Variants in IRS1 observed in about 807,000 individuals in gnomAD.
IRS1 encodes the protein insulin receptor substrate 1.
In IRS1, 34 loss-of-function variants were observed where a neutral mutation model predicts 65.6. The ratio of observed to expected loss-of-function variants is 0.52; its 90% CI spans 0.39 to 0.69. The LOEUF (loss-of-function observed/expected upper bound fraction) is 0.69, where lower values mean the gene tolerates loss of function less well. Among genes scored for constraint, IRS1 ranks in the 30% least tolerant of loss-of-function variants. IRS1 has a pLI of 0.00. For missense variants in IRS1, 1,641 were observed against 1,720.2 expected (o/e 0.95, Z 0.81); for synonymous variants, 699 against 683.5 (o/e 1.02, Z -0.35).
rs148058230 is a variant in IRS1 at position 226,738,248 on chromosome 2, T to C, written c.*22-1998A>G. On this transcript the variant is annotated intron_variant, in intron 1 of 1. Coordinates refer to ENST00000305123, the MANE Select transcript of IRS1 (RefSeq NM_005544.3). ...ATATATTAGGGTGGAGCAAAAGCAA[T>C]TGCGGTTTTTGCCATAAAATAAATT... Among the ~76,000 whole-genome samples the C allele has an allele frequency of 1.4e-4, 22 of 152,312 alleles. No individual in the cohort carries two copies. In the East Asian group the frequency reaches 3.3e-3, roughly 23 times the overall value.
chr2:226,744,922 T>C (rs1938508109), intron 1 of IRS1, among the ~76,000 whole-genome samples: 1 of 152,210 alleles, frequency 6.6e-6, no homozygotes, highest in East Asian at 1.9e-4. Flanking sequence ...CTGGGATTCT[T>C]TGAAGCGAAC....
At chr2:226,787,099 T>A (rs950585939) in intron 1 of IRS1, among the ~76,000 whole-genome samples, 1 of 152,134 alleles carries the variant, frequency 6.6e-6, no homozygotes, top group African/African-American at 2.4e-5. Flanking sequence ...GACCACCCCA[T>A]AACAAGTCCA....
At chr2:226,740,383 A>AATG (rs1938414270) in intron 1 of IRS1, among the ~76,000 whole-genome samples, 1 of 152,214 alleles carries the variant, frequency 6.6e-6, no homozygotes, top group Non-Finnish European at 1.5e-5. Context: ...ACACTTGAGC[A>AATG]ATGCTACTTG....
chr2:226,786,341 G>T (rs372887567), intron 1 of IRS1, among the ~76,000 whole-genome samples: 1 of 152,104 alleles, frequency 6.6e-6, no homozygotes, highest in Admixed American at 6.5e-5. Flanking sequence ...GTGGAAAGTA[G>T]TGTGTCCTTT....
rs1938292701 is a variant in IRS1 at position 226,734,637 on chromosome 2, A to G, written c.*1635T>C. 1 of 152,208 alleles carries G rather than the reference A, an allele frequency of 6.6e-6. No individual in the cohort carries two copies. The highest frequency in any genetic ancestry group is 2.4e-5 in the African/African-American group (1 of 41,438). 9.4% of individuals were successfully genotyped at this position (152,208 alleles called of 1,614,324 possible). ...GCTCCTCCCAATAGTAGGGATGCGA[A>G]TTCCTGATAGAGAGATAGAGGCTCC... is the stretch of plus-strand genomic sequence containing the variant. On this transcript the variant is annotated 3_prime_UTR_variant, in exon 2 of 2. Transcript: ENST00000305123.
intron 1 of IRS1, among the ~76,000 whole-genome samples, chr2:226,790,963 A>G (rs1939581336): frequency 1.3e-5 from 2 of 152,108 alleles, no homozygotes; most frequent in Non-Finnish European, 2.9e-5. Context: ...ACGCCACAGC[A>G]TTTCCTCCAA....
chr2:226,744,039 C>T (rs1236045211), intron 1 of IRS1, among the ~76,000 whole-genome samples: 1 of 152,110 alleles, frequency 6.6e-6, no homozygotes, highest in Non-Finnish European at 1.5e-5. Flanking sequence ...GTCTGACTAC[C>T]CAATTGTTTC....
At chr2:226,784,955 C>T (rs1939459815) in intron 1 of IRS1, among the ~76,000 whole-genome samples, 1 of 152,146 alleles carries the variant, frequency 6.6e-6, no homozygotes, top group African/African-American at 2.4e-5. Context: ...CCATTCCTGT[C>T]CAGTGTTAAT....
intron 1 of IRS1, among the ~76,000 whole-genome samples, chr2:226,755,590 A>G (rs1938780833): frequency 6.6e-6 from 1 of 152,226 alleles, no homozygotes; most frequent in South Asian, 2.1e-4. Context: ...AATAATCCAA[A>G]AAGCTTTTTC....
In IRS1 at chr2:226,797,753, G is replaced by C. The variant is rs1313519027; in HGVS notation, c.986C>G (p.Ser329Cys). ...GGACATGGTGCCTTCGCCGTCACTG[G>C]AGGCGCGGACACGGAAGGAGCCTGG... Reference protein sequence around the residue: ...GKPGSFRVRASSDGEGTMSRP... With the variant: ...GKPGSFRVRACSDGEGTMSRP... The change falls in exon 1 of 2, where the codon TCC (serine) becomes TGC (cysteine). Residue 329 changes from serine (S) to cysteine (C), a missense_variant. By Grantham distance (112) the Ser-to-Cys change is moderately radical. Coordinates refer to ENST00000305123, the MANE Select transcript of IRS1 (RefSeq NM_005544.3). The surrounding 1 kb of genome is among the most constrained non-coding windows in gnomAD (Gnocchi z 8.1). The C allele has an allele frequency of 6.3e-7, 1 of 1,595,806 alleles. No homozygotes were observed.
intron 1 of IRS1, among the ~76,000 whole-genome samples, chr2:226,750,485 G>A (rs1231450356): frequency 6.6e-6 from 1 of 152,064 alleles, no homozygotes; most frequent in African/African-American, 2.4e-5. Flanking sequence ...TTAAAAAATG[G>A]GGACTTCCAC....
rs192725964 is a variant in IRS1, at chr2:226,735,836, C to G, written c.*436G>C. 828 of 152,766 alleles carry G rather than the reference C, an allele frequency of 5.4e-3. 4 individuals carry two copies. Among genetic ancestry groups the G allele is most frequent in the Non-Finnish European group, 9.0e-3 (611 of 68,030 alleles). The allele number at this position is 152,766 out of a possible 1,614,324, so 9.5% of individuals were successfully genotyped here. ...AATATTTAATACTCTCTCCACCCAACGTGAACAGTTTTGTATGAAATAATT... is the reference window on the plus strand; with the variant it reads ...AATATTTAATACTCTCTCCACCCAAGGTGAACAGTTTTGTATGAAATAATT... On this transcript the variant is annotated 3_prime_UTR_variant, in exon 2 of 2. Coordinates refer to ENST00000305123, the MANE Select transcript of IRS1 (RefSeq NM_005544.3).
chr2:226,791,639 C>T (rs1481635873), intron 1 of IRS1, among the ~76,000 whole-genome samples: 1 of 151,940 alleles, frequency 6.6e-6, no homozygotes, highest in African/African-American at 2.4e-5. Flanking sequence ...CAGGGACGCC[C>T]GCCCGCCACC....
At chr2:226,751,214 A>AAAG (rs1196752557) in intron 1 of IRS1, among the ~76,000 whole-genome samples, 2 of 152,020 alleles carry the variant, frequency 1.3e-5, no homozygotes, top group Non-Finnish European at 2.9e-5. Flanking sequence ...GGATGACTGC[A>AAAG]AAGAGGACAT....
At chr2:226,760,719 T>A (rs538552475) in intron 1 of IRS1, among the ~76,000 whole-genome samples, 1 of 152,356 alleles carries the variant, frequency 6.6e-6, no homozygotes, top group East Asian at 1.9e-4. Context: ...GCTAAATGTT[T>A]AATCCCTCAA....
chr2:226,744,541 G>C lies in IRS1; in HGVS notation c.*22-8291C>G, dbSNP rs369403326. Among the ~76,000 whole-genome samples, 21 of 152,242 alleles carry C rather than the reference G, an allele frequency of 1.4e-4. 1 individual carries two copies. The East Asian group carries it at 2.9e-3, about 21-fold the overall frequency. On this transcript the variant is annotated intron_variant, in intron 1 of 1. Transcript: ENST00000305123. ...AGAGATCCATGGCCTGTTAGGAACC[G>C]GGCTCCACAGCAAGAGGTGAATGGT...
In IRS1 at chr2:226,798,639, C is replaced by T. The variant is rs373040435; in HGVS notation, c.100G>A (p.Ala34Thr). The T allele has an allele frequency of 8.7e-6, 14 of 1,612,906 alleles. No homozygotes were observed. Among genetic ancestry groups the T allele is most frequent in the African/African-American group, 4.0e-5 (3 of 74,928 alleles). The part of the protein sequence containing the change: ...SMHKRFFVLR[A>T]ASEAGGPARL... Reference sequence around the variant, plus strand: ...GCCGGGCCCCCAGCCTCGCTGGCCGCGCGCAGTACGAAGAAGCGTTTGTGC... The same window carrying T: ...GCCGGGCCCCCAGCCTCGCTGGCCGTGCGCAGTACGAAGAAGCGTTTGTGC... The change falls in exon 1 of 2, where the codon GCG becomes ACG. Residue 34 changes from alanine to threonine, a missense_variant. By Grantham distance (58) the Ala-to-Thr change is moderately conservative (BLOSUM62 0). Coordinates refer to ENST00000305123, the MANE Select transcript of IRS1 (RefSeq NM_005544.3). This position sits in a 1 kb window ranked among gnomAD's most constrained non-coding sequence, Gnocchi z 9.4.
chr2:226,796,299 C>T lies in IRS1; in HGVS notation c.2440G>A (p.Asp814Asn), dbSNP rs201133410. The T allele has an allele frequency of 1.1e-4, 185 of 1,613,520 alleles. 3 individuals are homozygous for T. The South Asian group carries it at 1.4e-3, about 13-fold the overall frequency. ...CCGCAGTATCCCCCACCCAGGCTGT[C>T]GCTGCTGGTGGAAGAGGAAGAATCA... is the stretch of plus-strand genomic sequence containing the variant. ...ADDSSSSTSS[D>N]SLGGGYCGAR... Residue 814 changes from aspartate to asparagine, a missense_variant, in exon 1 of 2, where the codon GAC becomes AAC. Asp to Asn is a conservative substitution (Grantham distance 23). Coordinates refer to ENST00000305123, the MANE Select transcript of IRS1 (RefSeq NM_005544.3).
chr2:226,747,021 C>CT (rs1938560867), intron 1 of IRS1, among the ~76,000 whole-genome samples: 2 of 151,966 alleles, frequency 1.3e-5, no homozygotes, highest in Non-Finnish European at 2.9e-5. Flanking sequence ...AACTCCTGAC[C>CT]TCAGGTGATC....
Sources: allele counts gnomAD v4.1 joint callset (sites outside exome capture counted in the v4.1 genomes callset), GRCh38; gene constraint gnomAD v4.1.1; non-coding constraint Gnocchi (gnomAD v3.1); transcripts MANE v1.5; gene names NCBI Gene and HGNC (gene_info 2026-07-23, HGNC 2026-07-21).